The following RHOBTB3 variants were observed in gnomAD, a reference collection of about 807,000 sequenced individuals.
The protein encoded by RHOBTB3 is Rho related BTB domain containing 3.
In RHOBTB3, 47 loss-of-function variants were observed where a neutral mutation model predicts 67.2. The ratio of observed to expected loss-of-function variants is 0.70; its 90% CI spans 0.55 to 0.89. The LOEUF (loss-of-function observed/expected upper bound fraction) is 0.89, where lower values mean the gene tolerates loss of function less well. Ranked by LOEUF, RHOBTB3 falls within the 40% of genes least tolerant of loss-of-function variation. The probability of loss-of-function intolerance (pLI) is 0.00; values close to 1 mark genes in which losing one functional copy is unlikely to be tolerated. For synonymous variants in RHOBTB3, 273 were observed against 274.2 expected (o/e 1.00, Z 0.04); for missense variants, 631 against 750.0 (o/e 0.84, Z 1.85).
intron 8 of RHOBTB3, among the ~76,000 whole-genome samples, chr5:95,772,420 T>C (rs140052683): frequency 4.1e-4 from 62 of 152,300 alleles, no homozygotes; most frequent in Non-Finnish European, 1.9e-4. Context: ...TGATACAAAT[T>C]AGGTACAGCA....
At chr5:95,757,473 T>G (rs1421726410) in intron 6 of RHOBTB3, among the ~76,000 whole-genome samples, 1 of 152,210 alleles carries the variant, frequency 6.6e-6, no homozygotes, top group African/African-American at 2.4e-5. Flanking sequence ...TAAAGCCTAA[T>G]TGGGAACAGA....
upstream of RHOBTB3, chr5:95,730,905 C>T (rs1755204382): frequency 2.2e-6 from 1 of 456,830 alleles, no homozygotes; most frequent in Non-Finnish European, 4.4e-6. Context: ...TGGTAAAGCA[C>T]TTTCGGTCAA....
intron 6 of RHOBTB3, among the ~76,000 whole-genome samples, chr5:95,757,484 CA>C (rs1745281236): frequency 6.6e-6 from 1 of 152,092 alleles, no homozygotes; most frequent in Admixed American, 6.5e-5. Context: ...TGGGAACAGA[CA>C]AAAAGTTTAA....
chr5:95,790,066 C>A (rs570471422), intron 11 of RHOBTB3, among the ~76,000 whole-genome samples: 2 of 152,278 alleles, frequency 1.3e-5, no homozygotes, highest in East Asian at 3.9e-4. Context: ...ACACACAATC[C>A]GTTTTTGGGA....
rs1441869027 is a variant in RHOBTB3 at position 95,752,281 on chromosome 5, G to GA, written c.619dup (p.Met207AsnfsTer14). On this transcript the variant is annotated frameshift_variant, in exon 5 of 12. Coordinates refer to ENST00000379982, the MANE Select transcript of RHOBTB3 (RefSeq NM_014899.4). LOFTEE classifies it high-confidence loss of function. ...TCAAGCCTTAAATCAGAAGACAAGTGAAAAAATGAAGAAAAGAAAAATGAG... is the reference window on the plus strand; with the variant it reads ...TCAAGCCTTAAATCAGAAGACAAGTGAAAAAAATGAAGAAAAGAAAAATGAG... 1 of 1,603,644 alleles carries GA rather than the reference G, an allele frequency of 6.2e-7. No homozygotes were observed. Among genetic ancestry groups the GA allele is most frequent in the South Asian group, 1.1e-5 (1 of 88,486 alleles).
chr5:95,767,800 C>G (rs1745592293), intron 7 of RHOBTB3: 2 of 702,726 alleles, frequency 2.8e-6, no homozygotes, highest in South Asian at 1.5e-5. Flanking sequence ...AGCAATGGAG[C>G]TGAGTTTTCA....
intron 10 of RHOBTB3, among the ~76,000 whole-genome samples, chr5:95,785,301 A>G (rs1323942878): frequency 6.6e-6 from 1 of 152,234 alleles, no homozygotes; most frequent in African/African-American, 2.4e-5. Context: ...AAATTTAAAA[A>G]TTGAGTAGGG....
chr5:95,752,844 G>A (rs1473837093), intron 5 of RHOBTB3, among the ~76,000 whole-genome samples: 3 of 152,070 alleles, frequency 2.0e-5, no homozygotes, highest in African/African-American at 4.8e-5. Flanking sequence ...GAAGGTGAAC[G>A]TAGAGTCCCG....
intron 1 of RHOBTB3, among the ~76,000 whole-genome samples, chr5:95,723,933 A>G (rs1754971448): frequency 6.6e-6 from 1 of 152,238 alleles, no homozygotes; most frequent in Non-Finnish European, 1.5e-5. Context: ...TTACATGCAT[A>G]TGTTACTAAG....
Position 95,752,536 on chromosome 5 carries a change from T to C in RHOBTB3, c.682+186T>C, listed in dbSNP as rs1580406791. 2.6e-5 allele frequency among the ~76,000 whole-genome samples: 4 copies of C among 152,224 alleles called. No individual in the cohort carries two copies. The South Asian group carries it at 8.3e-4, about 32-fold the overall frequency. ...GCCTCCCAAGTGATGCAAAAGCAGA[T>C]TGGTACTTGAATCACATTTTGAGAA... On this transcript the variant is annotated intron_variant, in intron 5 of 11. Transcript: ENST00000379982.
chr5:95,728,719 GA>G (rs1755129780), upstream of RHOBTB3, among the ~76,000 whole-genome samples: 3 of 152,204 alleles, frequency 2.0e-5, no homozygotes, highest in African/African-American at 4.8e-5. Flanking sequence ...CACTAAGGCT[GA>G]AACCTACTGG....
At chr5:95,770,574 T>C in intron 8 of RHOBTB3, 1 of 431,272 alleles carries the variant, frequency 2.3e-6, no homozygotes, top group Non-Finnish European at 4.7e-6. Flanking sequence ...CAACGAAGGA[T>C]GTGAGAACTG....
chr5:95,783,561 CAAAA>C (rs201633409), intron 9 of RHOBTB3: 165 of 107,628 alleles, frequency 1.5e-3, no homozygotes, highest in Middle Eastern at 4.6e-3. Context: ...CCTGTCTCTA[CAAAA>C]AAAAAAAAAA....
intron 8 of RHOBTB3, among the ~76,000 whole-genome samples, chr5:95,771,529 A>T (rs1188744327): frequency 6.6e-6 from 1 of 152,216 alleles, no homozygotes; most frequent in Non-Finnish European, 1.5e-5. Flanking sequence ...AACAACTGGG[A>T]AAAAAGCTAA....
At chr5:95,773,822 G>C (rs1374669724) in intron 8 of RHOBTB3, among the ~76,000 whole-genome samples, 1 of 152,160 alleles carries the variant, frequency 6.6e-6, no homozygotes, top group Non-Finnish European at 1.5e-5. Flanking sequence ...TTGCCTCACT[G>C]TGGTCACTCT....
chr5:95,778,544 G>C (rs1471565617), intron 8 of RHOBTB3, among the ~76,000 whole-genome samples: 1 of 151,944 alleles, frequency 6.6e-6, no homozygotes, highest in South Asian at 2.1e-4. Flanking sequence ...AACAATTTCT[G>C]TTAAAATTTC....
chr5:95,790,855 T>TA (rs1290725865), intron 11 of RHOBTB3, among the ~76,000 whole-genome samples: 2 of 152,162 alleles, frequency 1.3e-5, no homozygotes, highest in Non-Finnish European at 2.9e-5. Context: ...ACCCCACAGT[T>TA]AAAAATATAT....
intron 3 of RHOBTB3, among the ~76,000 whole-genome samples, chr5:95,747,725 A>G (rs1283193563): frequency 6.6e-6 from 1 of 152,204 alleles, no homozygotes; most frequent in Non-Finnish European, 1.5e-5. Flanking sequence ...AAAGAAAAAG[A>G]TAAAGAATGA....
Position 95,793,206 on chromosome 5 carries a change from T to C in RHOBTB3, c.*32T>C. 1 of 1,396,506 alleles carries C rather than the reference T, an allele frequency of 7.2e-7. No individual in the cohort carries two copies. The highest frequency in any genetic ancestry group is 1.0e-6 in the Non-Finnish European group (1 of 1,002,268). 86.5% of individuals were successfully genotyped at this position (1,396,506 alleles called of 1,614,324 possible). A position where few individuals can be genotyped will look rare whatever the true frequency, so the allele number is the denominator to read the frequency against. ...GCTTTTATACACTACATTTCTTTTT[T>C]ATTATTATGAAGAATGGGATACCTC... On this transcript the variant is annotated 3_prime_UTR_variant, in exon 12 of 12. Transcript: ENST00000379982.
Sources: gnomAD v4.1 joint callset for allele counts (sites outside exome capture counted in the v4.1 genomes callset) on GRCh38, gnomAD v4.1.1 for gene constraint, MANE v1.5 for transcripts, NCBI Gene and HGNC (gene_info 2026-07-23, HGNC 2026-07-21) for gene names.